BNC2: variants seen among roughly 807,000 people sequenced by gnomAD.
The protein encoded by BNC2 is basonuclin zinc finger protein 2, also known as zinc finger protein basonuclin-2.
A neutral mutation model predicts 76.3 loss-of-function variants in BNC2; 20 were observed. That is an observed-to-expected ratio of 0.26 (90% confidence interval 0.18 to 0.38). BNC2 has a LOEUF of 0.38. BNC2 is among the 10% of genes least tolerant of loss of function. The probability of loss-of-function intolerance (pLI) is 1.00; values close to 1 mark genes in which losing one functional copy is unlikely to be tolerated. For missense variants in BNC2, 1,382 were observed against 1,399.8 expected, an observed-to-expected ratio of 0.99 and a Z score of 0.20; for synonymous variants, 582 against 514.8, an observed-to-expected ratio of 1.13 and a Z score of -1.77.
At chr9:16,605,675 T>C (rs1039670010) in intron 3 of BNC2, among the ~76,000 whole-genome samples, 1 of 152,170 alleles carries the variant, frequency 6.6e-6, no homozygotes, top group Admixed American at 6.5e-5. Flanking sequence ...GAAATGGAAG[T>C]TTATTACAGC....
At position 16,738,348 on chromosome 9, in the gene BNC2, A is replaced by G; in HGVS notation, c.129+12T>C. 4 of 1,613,810 alleles carry G rather than the reference A, an allele frequency of 2.5e-6. No homozygotes were observed. Among genetic ancestry groups the G allele is most frequent in the Non-Finnish European group, 3.4e-6 (4 of 1,179,798 alleles). ...CAAGTAACTTAAAGGGGGAAAAAAA[A>G]AACCAACATACCTCAATTTGAGATG... On this transcript the variant is annotated intron_variant, in intron 2 of 6. Coordinates refer to ENST00000380672, the MANE Select transcript of BNC2 (RefSeq NM_017637.6).
chr9:16,425,197 GCAGA>G (rs1168133481), intron 6 of BNC2, among the ~76,000 whole-genome samples: 3 of 152,182 alleles, frequency 2.0e-5, no homozygotes, highest in East Asian at 3.9e-4. Flanking sequence ...TACTAGTCAC[GCAGA>G]CAGTTTCCTC....
At chr9:16,517,673 A>G (rs966849590) in intron 5 of BNC2, among the ~76,000 whole-genome samples, 8 of 152,202 alleles carry the variant, frequency 5.3e-5, no homozygotes, top group Admixed American at 3.3e-4. Flanking sequence ...AAAGTTCATT[A>G]GTTTACTTCC....
intron 3 of BNC2, among the ~76,000 whole-genome samples, chr9:16,702,031 AAAAAACAAT>A (rs1409669439): frequency 6.6e-6 from 1 of 152,122 alleles, no homozygotes; most frequent in Non-Finnish European, 1.5e-5. Flanking sequence ...ATCCTGGGCT[AAAAAACAAT>A]AAAAAGAAGC....
At chr9:16,588,044 G>A (rs1036295169) in intron 3 of BNC2, among the ~76,000 whole-genome samples, 2 of 152,294 alleles carry the variant, frequency 1.3e-5, no homozygotes, top group Non-Finnish European at 2.9e-5. Context: ...TCAATGTATA[G>A]TGGCAAATAA....
intron 5 of BNC2, among the ~76,000 whole-genome samples, chr9:16,455,567 G>A (rs1257121792): frequency 6.6e-6 from 1 of 152,190 alleles, no homozygotes; most frequent in Non-Finnish European, 1.5e-5. Flanking sequence ...AAGGCAGGTG[G>A]ATCACCTGAG....
At chr9:16,536,433 C>T (rs1310206731) in intron 5 of BNC2, among the ~76,000 whole-genome samples, 1 of 152,150 alleles carries the variant, frequency 6.6e-6, no homozygotes, top group African/African-American at 2.4e-5. Context: ...CACTAATAAG[C>T]TGAGGTATGT....
At position 16,436,227 on chromosome 9, in the gene BNC2, T is replaced by C. The variant is rs368601490; in HGVS notation, c.1967A>G (p.Glu656Gly). The C allele has an allele frequency of 1.2e-6, 2 of 1,614,022 alleles. No homozygotes were observed. The highest frequency in any genetic ancestry group is 1.7e-5 in the Admixed American group (1 of 60,000). The change falls in exon 6 of 7, where the codon GAA (glutamate) becomes GGA (glycine). Residue 656 changes from glutamate to glycine, a missense_variant. By Grantham distance (98) the Glu-to-Gly change is moderately conservative. Around this residue, in one of 3 missense-constraint regions of BNC2, gnomAD observed 798 missense variants for 775.5 expected, o/e 1.03. Transcript: ENST00000380672. Reference sequence around the variant, plus strand: ...TCCACCATCATTGGGGTCATCATCTTCATCATCAAACTCATCGGCGGTATC... The same window carrying C: ...TCCACCATCATTGGGGTCATCATCTCCATCATCAAACTCATCGGCGGTATC... ...IIDTADEFDD[E>G]DDDPNDGGAV... is the part of the protein sequence containing the mutation.
At chr9:16,643,233 G>T (rs1385382219) in intron 3 of BNC2, among the ~76,000 whole-genome samples, 3 of 151,380 alleles carry the variant, frequency 2.0e-5, no homozygotes, top group Non-Finnish European at 4.4e-5. Context: ...TTGAACCTGG[G>T]AAGTGGAGGT....
At chr9:16,656,806 A>C in intron 3 of BNC2, among the ~76,000 whole-genome samples, 1 of 152,174 alleles carries the variant, frequency 6.6e-6, no homozygotes. Context: ...ATATAACTAA[A>C]TTTATACCCA....
At chr9:16,751,363 C>T (rs1470024314) in intron 1 of BNC2, among the ~76,000 whole-genome samples, 1 of 151,550 alleles carries the variant, frequency 6.6e-6, no homozygotes, top group Non-Finnish European at 1.5e-5. Context: ...CCATTCAGCA[C>T]ACAAATGTTA....
At chr9:16,447,843 C>T (rs1014049715) in intron 5 of BNC2, among the ~76,000 whole-genome samples, 1 of 151,930 alleles carries the variant, frequency 6.6e-6, no homozygotes, top group African/African-American at 2.4e-5. Context: ...GGTAGTCTTT[C>T]GGAAATCTTT....
chr9:16,747,251 A>G (rs888903931), intron 1 of BNC2, among the ~76,000 whole-genome samples: 1 of 152,204 alleles, frequency 6.6e-6, no homozygotes, highest in Admixed American at 6.5e-5. Context: ...AAGTTTCAAG[A>G]AAACCAAGCC....
intron 1 of BNC2, among the ~76,000 whole-genome samples, chr9:16,805,674 G>T (rs1299007531): frequency 6.6e-6 from 1 of 151,146 alleles, no homozygotes; most frequent in Non-Finnish European, 1.5e-5. Flanking sequence ...AAACTGCAAT[G>T]AACAAATTAA....
At chr9:16,623,596 A>T (rs1820919844) in intron 3 of BNC2, among the ~76,000 whole-genome samples, 1 of 152,190 alleles carries the variant, frequency 6.6e-6, no homozygotes, top group Non-Finnish European at 1.5e-5. Flanking sequence ...TGTGTAGCTG[A>T]TTTTAAGGAT....
intron 5 of BNC2, among the ~76,000 whole-genome samples, chr9:16,488,761 A>G (rs1235627974): frequency 1.3e-5 from 2 of 152,220 alleles, no homozygotes; most frequent in African/African-American, 4.8e-5. Flanking sequence ...GCAAAGATTA[A>G]AGGCTAAACA....
chr9:16,553,936 A>G (rs1179012632), intron 4 of BNC2, among the ~76,000 whole-genome samples: 1 of 152,240 alleles, frequency 6.6e-6, no homozygotes, highest in Non-Finnish European at 1.5e-5. Context: ...CACAAAAGGC[A>G]TTCAAAACTG....
intron 5 of BNC2, among the ~76,000 whole-genome samples, chr9:16,538,270 C>T (rs1407645937): frequency 6.6e-6 from 1 of 152,170 alleles, no homozygotes; most frequent in Non-Finnish European, 1.5e-5. Context: ...TATTACTTAT[C>T]AGTCAAGCTA....
chr9:16,616,527 T>C (rs7389635), intron 3 of BNC2, among the ~76,000 whole-genome samples: 1 of 150,764 alleles, frequency 6.6e-6, no homozygotes, highest in African/African-American at 2.4e-5. Context: ...CAAGACCCTG[T>C]CTCTACAAAA....
Sources: allele counts gnomAD v4.1 joint callset (sites outside exome capture counted in the v4.1 genomes callset), GRCh38; gene constraint gnomAD v4.1.1; regional missense constraint gnomAD v4.1.1; transcripts MANE v1.5; gene names NCBI Gene and HGNC (gene_info 2026-07-23, HGNC 2026-07-21).